Variants in SCUBE1 observed in about 807,000 individuals in gnomAD.
SCUBE1 encodes signal peptide, CUB domain and EGF like domain containing 1, also known as signal peptide, CUB and EGF-like domain-containing protein 1.
A neutral mutation model predicts 124.4 loss-of-function variants in SCUBE1; 59 were observed. The observed-to-expected ratio is 0.47, with a 90% CI of 0.38 to 0.59. The LOEUF (loss-of-function observed/expected upper bound fraction) is 0.59. Ranked by LOEUF, SCUBE1 falls within the 20% of genes least tolerant of loss-of-function variation. The pLI, the probability that SCUBE1 is intolerant of heterozygous loss-of-function variation, is 0.00. For missense variants in SCUBE1, 1,150 were observed against 1,371.2 expected (o/e 0.84, Z 2.55); for synonymous variants, 545 against 550.9 (o/e 0.99, Z 0.15).
intron 3 of SCUBE1, among the ~76,000 whole-genome samples, chr22:43,304,796 A>AC (rs970972252): frequency 6.8e-6 from 1 of 147,452 alleles, no homozygotes; most frequent in Non-Finnish European, 1.5e-5. Context: ...CCCCATCTCC[A>AC]CCCCCCGCAG....
intron 3 of SCUBE1, among the ~76,000 whole-genome samples, chr22:43,310,437 T>C (rs971649737): frequency 2.0e-5 from 3 of 152,222 alleles, no homozygotes; most frequent in Admixed American, 1.3e-4. Flanking sequence ...TACCAGCCCA[T>C]GTGGAAAGAC....
chr22:43,293,630 T>C (rs935806490), intron 3 of SCUBE1, among the ~76,000 whole-genome samples: 5 of 152,254 alleles, frequency 3.3e-5, no homozygotes, highest in East Asian at 1.9e-4. Context: ...TATAAGACCC[T>C]GTAGAGAACT....
chr22:43,296,134 G>A lies in SCUBE1; in HGVS notation c.350-4954C>T, dbSNP rs114114742. On this transcript the variant is annotated intron_variant, in intron 3 of 21. Coordinates refer to ENST00000360835, the MANE Select transcript of SCUBE1 (RefSeq NM_173050.5). ...GGCCGTGGGCATGTAGAGTGAGCGA[G>A]GCTGCTCTGTGGCCTGCACCCTACC... 4.0e-3 allele frequency among the ~76,000 whole-genome samples: 610 copies of A among 152,326 alleles called. 4 individuals carry two copies. Among genetic ancestry groups the A allele is most frequent in the African/African-American group, 0.014 (576 of 41,570 alleles).
intron 4 of SCUBE1, among the ~76,000 whole-genome samples, chr22:43,273,820 A>G (rs1227983682): frequency 6.6e-6 from 1 of 151,808 alleles, no homozygotes; most frequent in Admixed American, 6.6e-5. Context: ...CGATCCTCCC[A>G]CCTCGGCCTC....
intron 15 of SCUBE1, among the ~76,000 whole-genome samples, chr22:43,217,415 A>G (rs1921879121): frequency 6.8e-6 from 1 of 146,430 alleles, no homozygotes; most frequent in South Asian, 2.2e-4. Flanking sequence ...AAGCGATACC[A>G]CCTCTGCCCA....
intron 4 of SCUBE1, among the ~76,000 whole-genome samples, chr22:43,275,503 A>C (rs1924470173): frequency 6.6e-6 from 1 of 152,218 alleles, no homozygotes; most frequent in Non-Finnish European, 1.5e-5. Context: ...GGATGACTTA[A>C]ACACATCCCT....
chr22:43,305,694 C>T (rs1475059060), intron 3 of SCUBE1, among the ~76,000 whole-genome samples: 6 of 152,150 alleles, frequency 3.9e-5, no homozygotes, highest in South Asian at 2.1e-4. Context: ...GGGTCCCACT[C>T]GGCAGGGCCT....
rs1920985625 is a variant in SCUBE1 at position 43,200,493 on chromosome 22, A to C, written c.*3504T>G. Reference sequence around the variant, plus strand: ...TTGAACCAGGTGGAATAGCCACCTCACATCAGTCAAGCTGCCATTGGCTTC... The same window carrying C: ...TTGAACCAGGTGGAATAGCCACCTCCCATCAGTCAAGCTGCCATTGGCTTC... On this transcript the variant is annotated 3_prime_UTR_variant, in exon 22 of 22. Coordinates refer to ENST00000360835, the MANE Select transcript of SCUBE1 (RefSeq NM_173050.5). 1 of 152,382 alleles carries C rather than the reference A, an allele frequency of 6.6e-6. No individual in the cohort carries two copies. The highest frequency in any genetic ancestry group is 1.5e-5 in the Non-Finnish European group (1 of 68,130). The allele number at this position is 152,382 out of a possible 1,614,324, so 9.4% of individuals were successfully genotyped here. A position where few individuals can be genotyped will look rare whatever the true frequency, so the allele number is the denominator to read the frequency against.
chr22:43,242,272 C>A (rs1318353335), intron 6 of SCUBE1, among the ~76,000 whole-genome samples: 1 of 152,198 alleles, frequency 6.6e-6, no homozygotes, highest in East Asian at 1.9e-4. Context: ...GCCTGGCCAT[C>A]GCTCCAGCTC....
In SCUBE1 at chr22:43,229,726, G is replaced by C. The variant is rs79703775; in HGVS notation, c.968-538C>G. Among the ~76,000 whole-genome samples, 1,439 of 152,286 alleles carry C rather than the reference G, an allele frequency of 9.4e-3. 19 individuals are homozygous for C. Among genetic ancestry groups the C allele is most frequent in the African/African-American group, 0.033 (1,355 of 41,538 alleles). On this transcript the variant is annotated intron_variant, in intron 8 of 21. Transcript: ENST00000360835. The stretch of plus-strand genomic sequence containing the variant: ...GCCACCCATAAAGGTCAAAAAGGGA[G>C]CTCTGATAGAATGTGAAATGTGATG...
chr22:43,270,851 A>C (rs1259972116), intron 4 of SCUBE1, among the ~76,000 whole-genome samples: 1 of 152,112 alleles, frequency 6.6e-6, no homozygotes, highest in Non-Finnish European at 1.5e-5. Flanking sequence ...CAAGCAAAAA[A>C]ACTCTTCAGT....
chr22:43,341,255 A>T (rs186894501), intron 1 of SCUBE1, among the ~76,000 whole-genome samples: 108 of 152,328 alleles, frequency 7.1e-4, no homozygotes, highest in African/African-American at 2.5e-3. Flanking sequence ...CCAGCCGGCA[A>T]CTGGATGGCT....
Position 43,203,904 on chromosome 22 carries a change from A to C in SCUBE1, c.*93T>G. ...TGAAGGGCAGTGCCATGGGGTTCCC[A>C]AGGTGGTGTGGAGGCCCATGCAGCT... On this transcript the variant is annotated 3_prime_UTR_variant, in exon 22 of 22. Coordinates refer to ENST00000360835, the MANE Select transcript of SCUBE1 (RefSeq NM_173050.5). The C allele has an allele frequency of 7.3e-7, 1 of 1,363,734 alleles. No individual in the cohort carries two copies. The highest frequency in any genetic ancestry group is 1.0e-6 in the Non-Finnish European group (1 of 975,096). The allele number at this position is 1,363,734 out of a possible 1,614,324, so 84.5% of individuals were successfully genotyped here. A position where few individuals can be genotyped will look rare whatever the true frequency, so the allele number is the denominator to read the frequency against.
intron 14 of SCUBE1, among the ~76,000 whole-genome samples, chr22:43,219,092 A>G (rs1411450167): frequency 6.6e-6 from 1 of 152,072 alleles, no homozygotes; most frequent in African/African-American, 2.4e-5. Context: ...TGGTTTCAAT[A>G]TTTGTCTCTT....
chr22:43,310,904 T>TCACCCAGCC (rs1926146758), intron 3 of SCUBE1, among the ~76,000 whole-genome samples: 1 of 151,994 alleles, frequency 6.6e-6, no homozygotes, highest in South Asian at 2.1e-4. Context: ...TCAGCCTCCT[T>TCACCCAGCC]AGTAGCTGGG....
chr22:43,283,061 GC>G (rs1055624373), intron 4 of SCUBE1: 7 of 152,430 alleles, frequency 4.6e-5, no homozygotes, highest in African/African-American at 1.7e-4. Flanking sequence ...AGCTTCCTCT[GC>G]CTTGAACAGC....
In SCUBE1 at chr22:43,320,737, G is replaced by C. The variant is rs1356703429; in HGVS notation, c.221-672C>G. On this transcript the variant is annotated intron_variant, in intron 2 of 21. Transcript: ENST00000360835. The stretch of plus-strand genomic sequence containing the variant: ...ATCCCACATTAACTCAGTGATGCAG[G>C]CACCATTCTCACTTCCAATTTTGCA... Among the ~76,000 whole-genome samples, 6 of 152,316 alleles carry C rather than the reference G, an allele frequency of 3.9e-5. No homozygotes were observed. In the South Asian group the frequency reaches 8.3e-4, roughly 21 times the overall value.
chr22:43,300,433 A>G (rs1476471891), intron 3 of SCUBE1, among the ~76,000 whole-genome samples: 1 of 151,960 alleles, frequency 6.6e-6, no homozygotes, highest in Non-Finnish European at 1.5e-5. Flanking sequence ...GCCCTGGGAT[A>G]CAGCGACGCT....
At chr22:43,207,945 G>T in intron 20 of SCUBE1, 127 bp downstream of exon 20, 1 of 1,099,836 alleles carries the variant, frequency 9.1e-7, no homozygotes, top group Non-Finnish European at 1.4e-6. Flanking sequence ...GACAGTGTTC[G>T]TTCTGCTTCC....
Sources: allele counts gnomAD v4.1 joint callset (sites outside exome capture counted in the v4.1 genomes callset), GRCh38; gene constraint gnomAD v4.1.1; transcripts MANE v1.5; gene names NCBI Gene and HGNC (gene_info 2026-07-23, HGNC 2026-07-21).